HYCC2: variants seen among roughly 807,000 people sequenced by gnomAD.
HYCC2 encodes the protein hyccin PI4KA lipid kinase complex subunit 2.
chr2:201,023,694 G>C, the HYCC2 span: 1 of 261,396 alleles, frequency 3.8e-6, no homozygotes, highest in Non-Finnish European at 7.2e-6. Flanking sequence ...CTCTTTTACT[G>C]AATATATTTT....
the HYCC2 span, among the ~76,000 whole-genome samples, chr2:201,040,129 C>T: frequency 5.3e-5 from 8 of 151,078 alleles, no homozygotes; most frequent in Middle Eastern, 3.4e-3. Context: ...GCCGAGACCG[C>T]GCCACTGCAC....
the HYCC2 span, among the ~76,000 whole-genome samples, chr2:201,000,968 T>C: frequency 5.5e-5 from 6 of 109,396 alleles, no homozygotes; most frequent in African/African-American, 2.1e-4. Context: ...ACCCTGTCTC[T>C]ACAAAAAAAA....
At chr2:201,052,112 A>T in the HYCC2 span, 1 of 152,224 alleles carries the variant, frequency 6.6e-6, no homozygotes, top group African/African-American at 2.4e-5. Flanking sequence ...AACTTGTGCG[A>T]CATAGTGAAA....
chr2:201,050,158 G>A, the HYCC2 span, among the ~76,000 whole-genome samples: 1 of 151,060 alleles, frequency 6.6e-6, no homozygotes, highest in Non-Finnish European at 1.5e-5. Flanking sequence ...AGGCTGTAGT[G>A]AGCCATAACT....
At chr2:201,058,826 T>C in the HYCC2 span, among the ~76,000 whole-genome samples, 2 of 152,248 alleles carry the variant, frequency 1.3e-5, no homozygotes, top group African/African-American at 4.8e-5. Context: ...ATGTTTCCAA[T>C]CTCATCTCCA....
chr2:201,062,605 C>T, the HYCC2 span, among the ~76,000 whole-genome samples: 1 of 150,534 alleles, frequency 6.6e-6, no homozygotes, highest in Non-Finnish European at 1.5e-5. Context: ...GAGCTGAGAT[C>T]GCGCCACTGC....
At chr2:201,010,270 C>A in the HYCC2 span, among the ~76,000 whole-genome samples, 1 of 152,030 alleles carries the variant, frequency 6.6e-6, no homozygotes, top group Non-Finnish European at 1.5e-5. Context: ...ATTTTAAACA[C>A]AAAACAAAGT....
chr2:201,009,167 T>C, the HYCC2 span: 1 of 853,024 alleles, frequency 1.2e-6, no homozygotes, highest in Non-Finnish European at 1.9e-6. Flanking sequence ...TATTTAATTT[T>C]CTTTTCCATA....
chr2:201,058,574 C>T, the HYCC2 span, among the ~76,000 whole-genome samples: 1 of 152,154 alleles, frequency 6.6e-6, no homozygotes, highest in African/African-American at 2.4e-5. Flanking sequence ...CATCGTGGCG[C>T]ATGCCTGTAG....
At chr2:201,008,738 T>TA in the HYCC2 span, among the ~76,000 whole-genome samples, 125 of 148,668 alleles carry the variant, frequency 8.4e-4, no homozygotes, top group African/African-American at 2.3e-3. Context: ...CTACAAAAAA[T>TA]AAAAAAAAAA....
the HYCC2 span, among the ~76,000 whole-genome samples, chr2:200,990,729 G>A: frequency 2.0e-5 from 3 of 151,542 alleles, no homozygotes; most frequent in Admixed American, 6.6e-5. Context: ...CCGCCACCGC[G>A]CCCAGCTAAT....
chr2:201,056,193 C>CAAAAAA, the HYCC2 span, among the ~76,000 whole-genome samples: 10 of 135,428 alleles, frequency 7.4e-5, no homozygotes, highest in African/African-American at 2.9e-4. Context: ...GACTCCGTCT[C>CAAAAAA]AAAAAAAAAA....
chr2:201,003,420 G>A, the HYCC2 span, among the ~76,000 whole-genome samples: 3 of 152,150 alleles, frequency 2.0e-5, no homozygotes, highest in Non-Finnish European at 4.4e-5. Context: ...TGGGGTGAAG[G>A]CTGCAGTGAG....
the HYCC2 span, among the ~76,000 whole-genome samples, chr2:201,009,735 C>T: frequency 6.6e-6 from 1 of 151,936 alleles, no homozygotes; most frequent in African/African-American, 2.4e-5. Flanking sequence ...GCTGGGATTA[C>T]AAGCATGAGC....
At chr2:201,050,484 A>T in the HYCC2 span, among the ~76,000 whole-genome samples, 80 of 151,914 alleles carry the variant, frequency 5.3e-4, no homozygotes, top group South Asian at 8.3e-4. Context: ...AGAAAATAAT[A>T]AATATGCTGA....
chr2:201,001,046 G>A, the HYCC2 span, among the ~76,000 whole-genome samples: 1 of 151,532 alleles, frequency 6.6e-6, no homozygotes, highest in African/African-American at 2.4e-5. Flanking sequence ...GCTGAGGCAG[G>A]AGAATCACTT....
the HYCC2 span, chr2:200,992,967 T>G: frequency 1.2e-6 from 2 of 1,613,780 alleles, no homozygotes; most frequent in Non-Finnish European, 1.7e-6. Flanking sequence ...CTTTCCAGTG[T>G]TTTTCATGTT....
the HYCC2 span, among the ~76,000 whole-genome samples, chr2:201,054,913 A>G: frequency 2.0e-5 from 3 of 152,096 alleles, no homozygotes; most frequent in Non-Finnish European, 4.4e-5. Flanking sequence ...AATCCTCCTG[A>G]CTTGGCCTCC....
the HYCC2 span, among the ~76,000 whole-genome samples, chr2:201,018,833 G>T: frequency 1.3e-5 from 2 of 152,054 alleles, no homozygotes; most frequent in South Asian, 2.1e-4. Context: ...TGACACAAAA[G>T]AAAAATATTC....
Sources: gnomAD v4.1 joint callset for allele counts (sites outside exome capture counted in the v4.1 genomes callset) on GRCh38, gnomAD v4.1.1 for gene constraint, MANE v1.5 for transcripts, NCBI Gene and HGNC (gene_info 2026-07-23, HGNC 2026-07-21) for gene names.